NTM: variants seen among roughly 807,000 people sequenced by gnomAD.
NTM encodes the protein neurotrimin, also known as IgLON family member 2.
Under a neutral mutation model 42.1 loss-of-function variants are expected in NTM, and 13 were observed. That is an observed-to-expected ratio of 0.31 (90% CI 0.20 to 0.49). The LOEUF is 0.49. Among genes scored for constraint, NTM ranks in the 20% least tolerant of loss-of-function variants. NTM has a pLI of 0.99. For missense variants in NTM, 373 were observed against 452.8 expected, an observed-to-expected ratio of 0.82 and a Z score of 1.60; for synonymous variants, 187 against 179.2, an observed-to-expected ratio of 1.04 and a Z score of -0.35.
At chr11:131,884,597 A>G (rs2050080356) in intron 1 of NTM, among the ~76,000 whole-genome samples, 1 of 152,184 alleles carries the variant, frequency 6.6e-6, no homozygotes, top group Admixed American at 6.5e-5. Context: ...GCCTGTAACC[A>G]CTATGACATT....
chr11:132,135,766 G>A (rs1293504329), intron 2 of NTM, among the ~76,000 whole-genome samples: 1 of 152,196 alleles, frequency 6.6e-6, no homozygotes, highest in African/African-American at 2.4e-5. Context: ...GGGCCGAGGG[G>A]CCTGGGCTGA....
intron 1 of NTM, among the ~76,000 whole-genome samples, chr11:131,780,390 G>T (rs1403509191): frequency 6.6e-6 from 1 of 152,234 alleles, no homozygotes; most frequent in East Asian, 1.9e-4. Context: ...TTAGCTGTCT[G>T]CTTGAGACTA....
chr11:131,789,418 AAAAAG>A (rs1282580318), intron 1 of NTM, among the ~76,000 whole-genome samples: 2 of 52,268 alleles, frequency 3.8e-5, no homozygotes, highest in African/African-American at 1.9e-4. Context: ...GTTAAAAGAA[AAAAAG>A]AAGAAGGAAG....
chr11:132,200,131 C>T (rs149488751), intron 3 of NTM, among the ~76,000 whole-genome samples: 200 of 152,242 alleles, frequency 1.3e-3, no homozygotes, highest in Non-Finnish European at 2.2e-3. Flanking sequence ...GATCTATTCA[C>T]CAGCCATAAC....
At chr11:131,477,942 C>A (rs1018865160) in intron 1 of NTM, among the ~76,000 whole-genome samples, 8 of 151,936 alleles carry the variant, frequency 5.3e-5, no homozygotes, top group African/African-American at 1.9e-4. Flanking sequence ...TGCTCTCTAC[C>A]TTCCTTCCAT....
At chr11:132,100,600 G>A (rs2061513062) in intron 2 of NTM, among the ~76,000 whole-genome samples, 1 of 152,084 alleles carries the variant, frequency 6.6e-6, no homozygotes, top group African/African-American at 2.4e-5. Flanking sequence ...TGGGCATGTG[G>A]GCACAAACTT....
At chr11:132,277,831 T>C (rs559219963) in intron 4 of NTM, among the ~76,000 whole-genome samples, 1 of 152,154 alleles carries the variant, frequency 6.6e-6, no homozygotes, top group African/African-American at 2.4e-5. Flanking sequence ...AAAATATATA[T>C]ATATATTTAA....
chr11:131,486,845 G>T (rs1433782438), intron 1 of NTM, among the ~76,000 whole-genome samples: 1 of 151,936 alleles, frequency 6.6e-6, no homozygotes, highest in South Asian at 2.1e-4. Flanking sequence ...TCTTTTTCCT[G>T]CCATCCCTCT....
chr11:131,614,300 C>T (rs2061714375), intron 1 of NTM, among the ~76,000 whole-genome samples: 1 of 152,224 alleles, frequency 6.6e-6, no homozygotes, highest in South Asian at 2.1e-4. Flanking sequence ...CCCATAAATG[C>T]CCCATGCCCA....
intron 1 of NTM, among the ~76,000 whole-genome samples, chr11:131,725,969 C>T (rs766971316): frequency 1.3e-5 from 2 of 152,144 alleles, no homozygotes; most frequent in Non-Finnish European, 2.9e-5. Context: ...GGGGATGATT[C>T]TGCTACCAGT....
chr11:131,402,378 A>G, intron 1 of NTM, among the ~76,000 whole-genome samples: 1 of 136,858 alleles, frequency 7.3e-6, no homozygotes, highest in Non-Finnish European at 1.6e-5. Context: ...TCTCCCCAAG[A>G]AAAAGAAAAC....
intron 7 of NTM, among the ~76,000 whole-genome samples, chr11:132,327,658 A>G (rs939432840): frequency 6.6e-6 from 1 of 152,204 alleles, no homozygotes; most frequent in Non-Finnish European, 1.5e-5. Flanking sequence ...GATTCAGCCA[A>G]ACTGGCTTTG....
intron 1 of NTM, among the ~76,000 whole-genome samples, chr11:131,385,886 A>G (rs1467089850): frequency 6.6e-6 from 1 of 152,210 alleles, no homozygotes; most frequent in East Asian, 1.9e-4. Context: ...ACAGAACAAC[A>G]TTAAACATAC....
At chr11:132,278,282 T>A (rs2093813848) in intron 4 of NTM, among the ~76,000 whole-genome samples, 1 of 152,230 alleles carries the variant, frequency 6.6e-6, no homozygotes, top group South Asian at 2.1e-4. Context: ...GGTCAGGGAT[T>A]TGTGTTGGAC....
At chr11:132,330,369 C>T (rs1010993639) in intron 8 of NTM, among the ~76,000 whole-genome samples, 184 bp downstream of exon 8, 4 of 152,202 alleles carry the variant, frequency 2.6e-5, no homozygotes, top group Non-Finnish European at 5.9e-5. Flanking sequence ...GACATCCAAT[C>T]CTTCCTAGGT....
intron 1 of NTM, among the ~76,000 whole-genome samples, chr11:131,731,946 A>G (rs1433885744): frequency 1.3e-5 from 2 of 152,172 alleles, no homozygotes; most frequent in African/African-American, 4.8e-5. Context: ...GTGTATCTGA[A>G]GCCCTACTAG....
At chr11:131,710,994 CCTT>C (rs1177282831) in intron 1 of NTM, among the ~76,000 whole-genome samples, 2 of 152,162 alleles carry the variant, frequency 1.3e-5, no homozygotes, top group African/African-American at 4.8e-5. Flanking sequence ...CTTTTTACCC[CCTT>C]CTTCTCTCTC....
At chr11:131,838,736 G>C (rs2043838367) in intron 1 of NTM, among the ~76,000 whole-genome samples, 1 of 152,038 alleles carries the variant, frequency 6.6e-6, no homozygotes, top group African/African-American at 2.4e-5. Flanking sequence ...GGGTTTATTA[G>C]GTTTTGAAAA....
At chr11:131,864,982 C>T (rs557398935) in intron 1 of NTM, among the ~76,000 whole-genome samples, 4 of 152,320 alleles carry the variant, frequency 2.6e-5, no homozygotes, top group African/African-American at 7.2e-5. Flanking sequence ...TCTCCCGCAC[C>T]GGCCCAGTGG....
Sources: allele counts gnomAD v4.1 joint callset (sites outside exome capture counted in the v4.1 genomes callset), GRCh38; gene constraint gnomAD v4.1.1; transcripts MANE v1.5; gene names NCBI Gene and HGNC (gene_info 2026-07-23, HGNC 2026-07-21).